Variants in LSM14B observed in about 807,000 individuals in gnomAD.
The protein encoded by LSM14B is protein LSM14 homolog B.
In LSM14B, 8 loss-of-function variants were observed where a neutral mutation model predicts 42.1. The observed-to-expected ratio is 0.19, with a 90% confidence interval of 0.11 to 0.34. The LOEUF (loss-of-function observed/expected upper bound fraction) is 0.34. Ranked by LOEUF, LSM14B falls within the 10% of genes least tolerant of loss-of-function variation. The pLI is 1.00. For missense variants in LSM14B, 396 were observed against 513.1 expected (o/e 0.77, Z 2.21); for synonymous variants, 219 against 209.7 (o/e 1.04, Z -0.38).
At chr20:62,129,757 T>G (rs777268489) in intron 3 of LSM14B, 28 bp from the exon 4 acceptor site, 1 of 1,578,906 alleles carries the variant, frequency 6.3e-7, no homozygotes, top group Admixed American at 1.9e-5. Context: ...CTCTCTGTTT[T>G]TAAACCCTCC....
chr20:62,130,495 C>T lies in LSM14B; in HGVS notation c.674-35C>T, dbSNP rs376673794. On this transcript the variant is annotated intron_variant, in intron 5 of 8. Coordinates refer to ENST00000279068, the MANE Select transcript of LSM14B (RefSeq NM_144703.3). This position sits in a 1 kb window ranked among gnomAD's most constrained non-coding sequence, Gnocchi z 4.1. Reference sequence around the variant, plus strand: ...GTGTTTGAGATCACTGGGTTGGTGACCTACTTCAGCCAGGGCTGTCCTTTG... The same window carrying T: ...GTGTTTGAGATCACTGGGTTGGTGATCTACTTCAGCCAGGGCTGTCCTTTG... 2 of 1,607,004 alleles carry T rather than the reference C, an allele frequency of 1.2e-6. No individual in the cohort carries two copies. Among genetic ancestry groups the T allele is most frequent in the Middle Eastern group, 1.6e-4 (1 of 6,068 alleles).
In LSM14B at chr20:62,129,808, G is replaced by C; in HGVS notation, c.451G>C (p.Val151Leu). ...GLGAGFPSIP[V>L]GKSPMVEQAV... ...AGGAGCTGGTTTTCCATCCATCCCA[G>C]TCGGCAAGAGCCCCATGGTGGAGCA... Residue 151 changes from valine (V) to leucine (L), a missense_variant, in exon 4 of 9, where the codon GTC becomes CTC. By Grantham distance (32) the Val-to-Leu change is conservative. Around this residue, in one of 3 missense-constraint regions of LSM14B, gnomAD observed 274 missense variants for 335.8 expected, o/e 0.82. Transcript: ENST00000279068. 6.2e-7 allele frequency: 1 copy of C among 1,610,914 alleles called. No individual in the cohort carries two copies. The highest frequency in any genetic ancestry group is 2.2e-5 in the East Asian group (1 of 44,796).
chr20:62,127,792 C>T (rs2056648515), intron 3 of LSM14B: 1 of 964,880 alleles, frequency 1.0e-6, no homozygotes, highest in Non-Finnish European at 1.6e-6. Context: ...GTAGCTGTAG[C>T]AGATCATTTG....
Position 62,129,820 on chromosome 20 carries a change from C to T in LSM14B, c.463C>T (p.Pro155Ser), listed in dbSNP as rs774478258. The T allele has an allele frequency of 3.1e-6, 5 of 1,611,722 alleles. No individual in the cohort carries two copies. The highest frequency in any genetic ancestry group is 1.7e-6 in the Non-Finnish European group (2 of 1,179,116). ...GFPSIPVGKSPMVEQAVQTGS... is the reference protein window; with the variant it reads ...GFPSIPVGKSSMVEQAVQTGS... ...TCCATCCATCCCAGTCGGCAAGAGC[C>T]CCATGGTGGAGCAGGCTGTGCAGAC... is the stretch of plus-strand genomic sequence containing the variant. Residue 155 changes from proline (P) to serine (S), a missense_variant, in exon 4 of 9, where the codon CCC becomes TCC. Coordinates refer to ENST00000279068, the MANE Select transcript of LSM14B (RefSeq NM_144703.3).
Position 62,130,055 on chromosome 20 carries a change from C to A in LSM14B, c.595+103C>A. The A allele has an allele frequency of 7.1e-7, 1 of 1,412,042 alleles. No homozygotes were observed. The highest frequency in any genetic ancestry group is 9.4e-7 in the Non-Finnish European group (1 of 1,058,222). The allele number at this position is 1,412,042 out of a possible 1,614,324, so 87.5% of individuals were successfully genotyped here. A position where few individuals can be genotyped will look rare whatever the true frequency, so the allele number is the denominator to read the frequency against. On this transcript the variant is annotated intron_variant, in intron 4 of 8. Coordinates refer to ENST00000279068, the MANE Select transcript of LSM14B (RefSeq NM_144703.3). This position sits in a 1 kb window ranked among gnomAD's most constrained non-coding sequence, Gnocchi z 4.1. ...TTTTAATTAAAAAAATACTACTCCC[C>A]CATCCTAAGCCCCATGTGCTTTTGC...
intron 8 of LSM14B, 146 bp downstream of exon 8, chr20:62,133,621 C>T: frequency 1.1e-6 from 1 of 904,030 alleles, no homozygotes. Context: ...GGCCTCGACC[C>T]TATGAGTCAC....
At chr20:62,123,024 T>G (rs1177472781) in intron 1 of LSM14B, 3 of 242,160 alleles carry the variant, frequency 1.2e-5, no homozygotes, top group Admixed American at 5.8e-5. Context: ...CGCACAATGG[T>G]CTCCCTGGGC....
chr20:62,129,533 G>A (rs1244708582), intron 3 of LSM14B, among the ~76,000 whole-genome samples: 1 of 152,148 alleles, frequency 6.6e-6, no homozygotes, highest in Admixed American at 6.6e-5. Flanking sequence ...GGAAGCTCAG[G>A]GCTTTGGGAG....
Position 62,126,384 on chromosome 20 carries a change from C to G in LSM14B, c.372C>G (p.Gly124=). 1 of 1,612,382 alleles carries G rather than the reference C, an allele frequency of 6.2e-7. No individual in the cohort carries two copies. Among genetic ancestry groups the G allele is most frequent in the African/African-American group, 1.3e-5 (1 of 75,054 alleles). The change falls in exon 3 of 9, where the codon GGC becomes GGG. Residue 124 remains glycine (G), a synonymous_variant. Coordinates refer to ENST00000279068, the MANE Select transcript of LSM14B (RefSeq NM_144703.3). ...CTTTCCGAGGGATGGCGCCCTACGG[C>G]CCGCTGGCGGCCAGCTCCCTGCTCA... ...YSPFRGMAPY[G]PLAASSLLSQ...
intron 3 of LSM14B, chr20:62,127,826 T>A: frequency 1.3e-6 from 1 of 755,264 alleles, no homozygotes; most frequent in Non-Finnish European, 2.4e-6. Context: ...GCCGCTGAGC[T>A]GCTTGTTTTG....
At position 62,133,371 on chromosome 20, in the gene LSM14B, C is replaced by T. The variant is rs748214424; in HGVS notation, c.1068C>T (p.Arg356=). 7 of 1,613,192 alleles carry T rather than the reference C, an allele frequency of 4.3e-6. No individual in the cohort carries two copies. In the East Asian group the frequency reaches 1.6e-4, roughly 36 times the overall value. Residue 356 remains arginine (R), a synonymous_variant, in exon 8 of 9, where the codon CGC becomes CGT. Transcript: ENST00000279068. The stretch of plus-strand genomic sequence containing the variant: ...TGTCAGGGAGGTTTCTTCGTGGCCG[C>T]AGTTCTCGGGGCGGATTCCGAGGAG... ...FGVSGRFLRG[R]SSRGGFRGGR...
chr20:62,130,383 G>A lies in LSM14B; in HGVS notation c.673+87G>A, dbSNP rs149661448. The A allele has an allele frequency of 1.3e-4, 195 of 1,528,522 alleles. 2 individuals carry two copies. In the Middle Eastern group the frequency reaches 5.1e-3, roughly 40 times the overall value. 94.7% of individuals were successfully genotyped at this position (1,528,522 alleles called of 1,614,324 possible). ...CCTCCTGCCTGCTTCTCTGGTTGACGGTTTCAGGGGTGCTGGTGTGAAGTC... is the reference window on the plus strand; with the variant it reads ...CCTCCTGCCTGCTTCTCTGGTTGACAGTTTCAGGGGTGCTGGTGTGAAGTC... On this transcript the variant is annotated intron_variant, in intron 5 of 8. Coordinates refer to ENST00000279068, the MANE Select transcript of LSM14B (RefSeq NM_144703.3). This position sits in a 1 kb window ranked among gnomAD's most constrained non-coding sequence, Gnocchi z 4.1.
chr20:62,127,777 T>C lies in LSM14B; in HGVS notation c.427+1338T>C, dbSNP rs752049644. ...GCGAGGGGTAAAGCAGCAGACAGAA[T>C]GACAGTAGCTGTAGCAGATCATTTG... is the stretch of plus-strand genomic sequence containing the variant. On this transcript the variant is annotated intron_variant, in intron 3 of 8. Transcript: ENST00000279068. The C allele has an allele frequency of 3.9e-6, 4 of 1,035,286 alleles. No individual in the cohort carries two copies. The South Asian group carries it at 4.1e-5, about 11-fold the overall frequency. 64.1% of individuals were successfully genotyped at this position (1,035,286 alleles called of 1,614,324 possible).
rs1482744118 is a variant in LSM14B at position 62,126,354 on chromosome 20, C to T, written c.342C>T (p.Tyr114=). 9.3e-6 allele frequency: 15 copies of T among 1,613,524 alleles called. No homozygotes were observed. Among genetic ancestry groups the T allele is most frequent in the Non-Finnish European group, 1.1e-5 (13 of 1,179,914 alleles). Residue 114 remains tyrosine, a synonymous_variant, in exon 3 of 9, where the codon TAC becomes TAT. Transcript: ENST00000279068. ...CGCCCTTCCAGCCGCACGTGCCTTA[C>T]AGCCCTTTCCGAGGGATGGCGCCCT... ...SASPFQPHVP[Y]SPFRGMAPYG... is the part of the protein sequence containing the mutation.
chr20:62,133,706 T>C (rs957929898), intron 8 of LSM14B, among the ~76,000 whole-genome samples: 1 of 152,184 alleles, frequency 6.6e-6, no homozygotes, highest in Non-Finnish European at 1.5e-5. Flanking sequence ...CCAAGTGAGA[T>C]TGCAGGTATG....
intron 1 of LSM14B, 92 bp from the exon 2 acceptor site, chr20:62,124,525 C>T (rs1028719955): frequency 4.3e-6 from 6 of 1,388,462 alleles, no homozygotes; most frequent in African/African-American, 4.3e-5. Flanking sequence ...GAGCAAGTGT[C>T]GCCGTCTTTT....
intron 3 of LSM14B, 117 bp from the exon 4 acceptor site, chr20:62,129,668 A>G: frequency 8.8e-7 from 1 of 1,134,718 alleles, no homozygotes; most frequent in Non-Finnish European, 1.2e-6. Flanking sequence ...TTGATAGAAC[A>G]TCTAGGCAGT....
At chr20:62,127,294 G>A (rs1399584334) in intron 3 of LSM14B, among the ~76,000 whole-genome samples, 1 of 152,178 alleles carries the variant, frequency 6.6e-6, no homozygotes, top group African/African-American at 2.4e-5. Context: ...GTGTAGAATT[G>A]GCAGGTGATC....
chr20:62,123,785 CAG>C (rs1022731221), intron 1 of LSM14B, among the ~76,000 whole-genome samples: 5 of 152,214 alleles, frequency 3.3e-5, no homozygotes, highest in Admixed American at 2.6e-4. Flanking sequence ...TCATTCCAAA[CAG>C]GGAGTGTCTC....
Sources: allele counts gnomAD v4.1 joint callset (sites outside exome capture counted in the v4.1 genomes callset), GRCh38; gene constraint gnomAD v4.1.1; regional missense constraint gnomAD v4.1.1; non-coding constraint Gnocchi (gnomAD v3.1); transcripts MANE v1.5; gene names NCBI Gene and HGNC (gene_info 2026-07-23, HGNC 2026-07-21).